The following CLEC16A variants were observed in gnomAD, a reference collection of about 807,000 sequenced individuals.
The protein encoded by CLEC16A is C-type lectin domain containing 16A, also known as protein CLEC16A.
In CLEC16A, 51 loss-of-function variants were observed where a neutral mutation model predicts 109.5. The ratio of observed to expected loss-of-function variants is 0.47; its 90% CI spans 0.37 to 0.59. CLEC16A has a LOEUF of 0.59. Among genes scored for constraint, CLEC16A ranks in the 20% least tolerant of loss-of-function variants. The pLI is 0.00. For missense variants in CLEC16A, 1,339 were observed against 1,394.0 expected (o/e 0.96, Z 0.63); for synonymous variants, 673 against 564.2 (o/e 1.19, Z -2.73).
Position 11,036,879 on chromosome 16 carries a change from G to A in CLEC16A, c.1538-2875G>A, listed in dbSNP as rs1032107926. Among the ~76,000 whole-genome samples the A allele has an allele frequency of 2.6e-5, 4 of 152,166 alleles. No homozygotes were observed. In the South Asian group the frequency reaches 8.3e-4, roughly 32 times the overall value. On this transcript the variant is annotated intron_variant, in intron 13 of 23. Coordinates refer to ENST00000409790, the MANE Select transcript of CLEC16A (RefSeq NM_015226.3). ...TTCCTTTTATAACACGAATGATAAG[G>A]AAACACATGAAGTCATGCTCAAACT...
chr16:11,106,456 A>G lies in CLEC16A; in HGVS notation c.2117-14159A>G, dbSNP rs948805525. ...GGTGTGAGCCACCACACCCAGCCCA[A>G]TTTTTTTTTTTTTTTTTTTTTAGAT... On this transcript the variant is annotated intron_variant, in intron 19 of 23. Transcript: ENST00000409790. Among the ~76,000 whole-genome samples, 4 of 133,532 alleles carry G rather than the reference A, an allele frequency of 3.0e-5. No homozygotes were observed. The East Asian group carries it at 6.4e-4, about 22-fold the overall frequency. 87.6% of individuals were successfully genotyped at this position (133,532 alleles called of 152,430 possible).
intron 16 of CLEC16A, 60 bp from the exon 17 acceptor site, chr16:11,047,232 C>T: frequency 7.0e-7 from 1 of 1,437,540 alleles, no homozygotes; most frequent in Non-Finnish European, 9.5e-7. Context: ...TTATAATACT[C>T]TGTTGTTTAT....
At chr16:11,160,358 G>C (rs966730800) in intron 22 of CLEC16A, among the ~76,000 whole-genome samples, 2 of 152,064 alleles carry the variant, frequency 1.3e-5, no homozygotes, top group Non-Finnish European at 2.9e-5. Context: ...CTTAACAATT[G>C]TGTGTAATCT....
intron 13 of CLEC16A, among the ~76,000 whole-genome samples, chr16:11,028,093 A>C (rs931305986): frequency 2.6e-5 from 4 of 152,208 alleles, no homozygotes; most frequent in African/African-American, 9.6e-5. Context: ...CCAGCTACTC[A>C]GGAGGCTGAG....
intron 13 of CLEC16A, among the ~76,000 whole-genome samples, chr16:11,032,014 G>A (rs2046768974): frequency 2.6e-5 from 4 of 152,230 alleles, no homozygotes; most frequent in Non-Finnish European, 5.9e-5. Flanking sequence ...GCCCAAGAAA[G>A]CATCAGTCAT....
chr16:10,950,752 A>T (rs1260239038), intron 1 of CLEC16A, among the ~76,000 whole-genome samples: 3 of 152,200 alleles, frequency 2.0e-5, no homozygotes, highest in East Asian at 3.9e-4. Context: ...GGCCAGACAG[A>T]TACAGGCTCT....
chr16:10,951,194 TC>T, intron 1 of CLEC16A, among the ~76,000 whole-genome samples: 1 of 152,162 alleles, frequency 6.6e-6, no homozygotes, highest in East Asian at 1.9e-4. Flanking sequence ...CATTTCAAAC[TC>T]TGAAGCTCAT....
chr16:11,151,365 C>G (rs1445901725), intron 22 of CLEC16A, among the ~76,000 whole-genome samples: 1 of 152,190 alleles, frequency 6.6e-6, no homozygotes, highest in African/African-American at 2.4e-5. Context: ...GGATGCCCAC[C>G]TGGTCACACC....
intron 19 of CLEC16A, chr16:11,066,375 G>A (rs576526745): frequency 1.3e-5 from 2 of 152,856 alleles, no homozygotes; most frequent in Admixed American, 1.3e-4. Context: ...GGGGTTCTGA[G>A]CTTGGGGCAG....
chr16:10,951,943 G>A (rs2041755660), intron 1 of CLEC16A, among the ~76,000 whole-genome samples: 1 of 152,172 alleles, frequency 6.6e-6, no homozygotes, highest in African/African-American at 2.4e-5. Context: ...AGCCATTACA[G>A]ATATTTGCAA....
intron 3 of CLEC16A, among the ~76,000 whole-genome samples, chr16:10,968,550 G>A (rs1400156093): frequency 3.9e-5 from 6 of 152,176 alleles, no homozygotes; most frequent in Admixed American, 2.6e-4. Context: ...CCTTCTCTGT[G>A]ACTGTCTCTG....
chr16:11,102,459 A>G (rs2050975126), intron 19 of CLEC16A, among the ~76,000 whole-genome samples: 1 of 152,250 alleles, frequency 6.6e-6, no homozygotes, highest in Non-Finnish European at 1.5e-5. Flanking sequence ...TTGAATTCCC[A>G]CAAGCTAATT....
intron 11 of CLEC16A, among the ~76,000 whole-genome samples, chr16:11,017,911 G>A (rs371332190): frequency 2.6e-5 from 4 of 151,056 alleles, no homozygotes; most frequent in South Asian, 2.1e-4. Context: ...AGGGATCCTG[G>A]AACAGAAAAA....
intron 13 of CLEC16A, chr16:11,036,103 G>A (rs940725876): frequency 6.6e-6 from 1 of 152,536 alleles, no homozygotes; most frequent in Non-Finnish European, 1.5e-5. Flanking sequence ...GTCAGTTTGG[G>A]GTAAAGGGCC....
chr16:11,154,429 G>A (rs1307237187), intron 22 of CLEC16A, among the ~76,000 whole-genome samples: 4 of 152,128 alleles, frequency 2.6e-5, no homozygotes, highest in East Asian at 1.9e-4. Flanking sequence ...TCTCGTAAAC[G>A]ATTTTCATAT....
At chr16:11,119,636 C>T (rs1404885502) in intron 19 of CLEC16A, among the ~76,000 whole-genome samples, 2 of 152,154 alleles carry the variant, frequency 1.3e-5, no homozygotes, top group African/African-American at 4.8e-5. Flanking sequence ...AAGCGATCCT[C>T]CCTCCTCGGA....
intron 19 of CLEC16A, among the ~76,000 whole-genome samples, chr16:11,095,234 T>G (rs2152973151): frequency 6.6e-6 from 1 of 152,266 alleles, no homozygotes; most frequent in East Asian, 1.9e-4. Flanking sequence ...GGTCGTGCTT[T>G]TAGAGCAAGA....
intron 7 of CLEC16A, among the ~76,000 whole-genome samples, chr16:10,976,432 A>G (rs17803698): frequency 0.15 from 22,902 of 151,950 alleles, 1,770 homozygotes; most frequent in Non-Finnish European, 0.16. Flanking sequence ...AGAGGTAAAA[A>G]TGTAGAAAAA....
intron 19 of CLEC16A, among the ~76,000 whole-genome samples, chr16:11,098,274 C>G (rs1294370404): frequency 3.3e-5 from 5 of 152,234 alleles, no homozygotes; most frequent in Non-Finnish European, 7.3e-5. Context: ...TCCTGCTCAG[C>G]CCCATCTCCA....
Sources: allele counts gnomAD v4.1 joint callset (sites outside exome capture counted in the v4.1 genomes callset), GRCh38; gene constraint gnomAD v4.1.1; transcripts MANE v1.5; gene names NCBI Gene and HGNC (gene_info 2026-07-23, HGNC 2026-07-21).